The following USP43 variants were observed in gnomAD, a reference collection of about 807,000 sequenced individuals.
The protein encoded by USP43 is ubiquitin carboxyl-terminal hydrolase 43.
Under a neutral mutation model 90.7 loss-of-function variants are expected in USP43, and 33 were observed. The ratio of observed to expected loss-of-function variants is 0.36; its 90% CI spans 0.28 to 0.49. The LOEUF is 0.49. USP43 is among the 20% of genes least tolerant of loss of function. The probability of loss-of-function intolerance (pLI) is 0.98; values close to 1 mark genes in which losing one functional copy is unlikely to be tolerated. For synonymous variants in USP43, 598 were observed against 615.8 expected (o/e 0.97, Z 0.43); for missense variants, 1,274 against 1,476.4 (o/e 0.86, Z 2.25).
chr17:9,647,850 A>AC (rs1911557259), intron 1 of USP43, among the ~76,000 whole-genome samples: 1 of 92,500 alleles, frequency 1.1e-5, no homozygotes, highest in African/African-American at 4.0e-5. Context: ...TAAAAATCCA[A>AC]AAAAAAAAAA....
At chr17:9,718,557 G>A (rs1440958403) in intron 14 of USP43, among the ~76,000 whole-genome samples, 19 of 147,464 alleles carry the variant, frequency 1.3e-4, no homozygotes, top group Non-Finnish European at 4.5e-5. Context: ...CTTAGAATAC[G>A]TTTCTGTGAG....
chr17:9,726,499 G>A (rs185300164), intron 14 of USP43, among the ~76,000 whole-genome samples: 67 of 152,260 alleles, frequency 4.4e-4, no homozygotes, highest in African/African-American at 1.5e-3. Flanking sequence ...AGCATGATGG[G>A]GCCCTGGAGA....
At chr17:9,695,327 T>C (rs1180409970) in intron 9 of USP43, among the ~76,000 whole-genome samples, 1 of 152,132 alleles carries the variant, frequency 6.6e-6, no homozygotes, top group East Asian at 1.9e-4. Context: ...GTAAAATACA[T>C]AGAACATAAA....
At chr17:9,680,490 C>A (rs1321217428) in intron 6 of USP43, 124 bp downstream of exon 6, 3 of 1,132,302 alleles carry the variant, frequency 2.6e-6, no homozygotes, top group Admixed American at 2.3e-5. Flanking sequence ...GACTTATTAT[C>A]CCTGGCATTC....
intron 9 of USP43, among the ~76,000 whole-genome samples, chr17:9,693,443 G>C (rs777832497): frequency 1.6e-4 from 24 of 152,182 alleles, no homozygotes; most frequent in Non-Finnish European, 3.4e-4. Context: ...CTTCAAAGAT[G>C]GGGGGGACAC....
chr17:9,654,362 A>G lies in USP43; in HGVS notation c.505-2041A>G, dbSNP rs113076627. On this transcript the variant is annotated intron_variant, in intron 1 of 14. Coordinates refer to ENST00000285199, the MANE Select transcript of USP43 (RefSeq NM_153210.5). ...AACATGCAGAGAAGCCTGGGGGAAGAATCCAAACTAATGTGATTGACGTAA... is the reference window on the plus strand; with the variant it reads ...AACATGCAGAGAAGCCTGGGGGAAGGATCCAAACTAATGTGATTGACGTAA... Among the ~76,000 whole-genome samples, 154 of 152,302 alleles carry G rather than the reference A, an allele frequency of 1.0e-3. 1 individual carries two copies. The highest frequency in any genetic ancestry group is 3.6e-3 in the African/African-American group (148 of 41,572).
At chr17:9,703,770 G>A (rs191355717) in intron 12 of USP43, among the ~76,000 whole-genome samples, 1 of 152,248 alleles carries the variant, frequency 6.6e-6, no homozygotes, top group Admixed American at 6.5e-5. Flanking sequence ...GGCAGAGTCT[G>A]GGCTTCAAAC....
chr17:9,648,798 C>T (rs866523225), intron 1 of USP43, among the ~76,000 whole-genome samples: 1 of 152,128 alleles, frequency 6.6e-6, no homozygotes, highest in Non-Finnish European at 1.5e-5. Flanking sequence ...TAGTTGCAGA[C>T]ACACCACACA....
chr17:9,699,924 A>C (rs758295952), intron 9 of USP43, among the ~76,000 whole-genome samples: 1 of 152,206 alleles, frequency 6.6e-6, no homozygotes, highest in East Asian at 1.9e-4. Flanking sequence ...AAGTAACCCC[A>C]AATCTACAGA....
At chr17:9,714,554 A>T (rs1916383933) in intron 14 of USP43, among the ~76,000 whole-genome samples, 1 of 151,896 alleles carries the variant, frequency 6.6e-6, no homozygotes, top group Non-Finnish European at 1.5e-5. Context: ...ATGGTGGCGC[A>T]CGCCTGTAAT....
intron 9 of USP43, among the ~76,000 whole-genome samples, chr17:9,694,586 C>T (rs1483953904): frequency 2.6e-5 from 4 of 151,970 alleles, no homozygotes; most frequent in Non-Finnish European, 5.9e-5. Context: ...TGTCTTTCCT[C>T]ACCCCCCATT....
intron 9 of USP43, among the ~76,000 whole-genome samples, chr17:9,698,075 C>A (rs1449976166): frequency 6.6e-6 from 1 of 152,144 alleles, no homozygotes; most frequent in Non-Finnish European, 1.5e-5. Flanking sequence ...ATTTGCATTT[C>A]CTTGATGATT....
intron 14 of USP43, among the ~76,000 whole-genome samples, chr17:9,723,329 T>G (rs1448085786): frequency 6.6e-6 from 1 of 152,088 alleles, no homozygotes; most frequent in Non-Finnish European, 1.5e-5. Flanking sequence ...TACCTAGAAC[T>G]TGGGGGTGCC....
At position 9,701,251 on chromosome 17, in the gene USP43, G is replaced by A. The variant is rs769117670; in HGVS notation, c.1662+6G>A. On this transcript the variant is annotated splice_donor_region_variant and intron_variant, in intron 11 of 14. Transcript: ENST00000285199. The surrounding 1 kb of genome is among the most constrained non-coding windows in gnomAD (Gnocchi z 7.2). ...TCTACACCAAGGAGGAGCAGGTCCC[G>A]CCCTGGGGGTCCATGCCCCGGCCGG... The A allele has an allele frequency of 3.4e-5, 54 of 1,606,278 alleles. No individual in the cohort carries two copies. Among genetic ancestry groups the A allele is most frequent in the Middle Eastern group, 1.7e-4 (1 of 6,056 alleles).
intron 14 of USP43, among the ~76,000 whole-genome samples, chr17:9,713,027 T>C (rs552933092): frequency 3.9e-5 from 6 of 152,268 alleles, no homozygotes; most frequent in Non-Finnish European, 8.8e-5. Flanking sequence ...ATACAATATA[T>C]TGTTGGTAAC....
rs1484299818 is a variant in USP43 at position 9,728,016 on chromosome 17, C to A, written c.2398C>A (p.Pro800Thr). The A allele has an allele frequency of 6.2e-7, 1 of 1,613,486 alleles. No individual in the cohort carries two copies. The highest frequency in any genetic ancestry group is 1.1e-5 in the South Asian group (1 of 91,072). Residue 800 changes from proline (P) to threonine (T), a missense_variant, in exon 15 of 15, where the codon CCC becomes ACC. By Grantham distance (38) the Pro-to-Thr change is conservative (BLOSUM62 -1). This residue lies in a region of USP43 where 285 missense variants were observed against 349.6 expected (regional missense o/e 0.82). Transcript: ENST00000285199. This position sits in a 1 kb window ranked among gnomAD's most constrained non-coding sequence, Gnocchi z 6.2. ...AGGCAGAAGCATTAGCATGAAGGCA[C>A]CCACCACTTCCCGAGCCAAGCAGGG... Reference protein sequence around the residue: ...VKGRSISMKAPTTSRAKQGPF... With the variant: ...VKGRSISMKATTTSRAKQGPF...
At chr17:9,673,561 T>G (rs1913577957) in intron 3 of USP43, among the ~76,000 whole-genome samples, 1 of 152,080 alleles carries the variant, frequency 6.6e-6, no homozygotes, top group Admixed American at 6.6e-5. Context: ...CATTCTAAAG[T>G]AAAGGAGTAT....
intron 9 of USP43, among the ~76,000 whole-genome samples, chr17:9,698,496 C>T (rs575482364): frequency 1.3e-5 from 2 of 152,176 alleles, no homozygotes; most frequent in African/African-American, 4.8e-5. Context: ...CTCCCATTAG[C>T]CTATCAGTCC....
intron 7 of USP43, among the ~76,000 whole-genome samples, chr17:9,684,759 A>C (rs1238897181): frequency 8.0e-6 from 1 of 124,840 alleles, no homozygotes; most frequent in Non-Finnish European, 1.6e-5. Flanking sequence ...GTGAAACTCC[A>C]TCTCAAAAAA....
Sources: allele counts gnomAD v4.1 joint callset (sites outside exome capture counted in the v4.1 genomes callset), GRCh38; gene constraint gnomAD v4.1.1; regional missense constraint gnomAD v4.1.1; non-coding constraint Gnocchi (gnomAD v3.1); transcripts MANE v1.5; gene names NCBI Gene and HGNC (gene_info 2026-07-23, HGNC 2026-07-21).